SARM1: variants seen among roughly 807,000 people sequenced by gnomAD.
The protein encoded by SARM1 is sterile alpha and TIR motif containing 1, also known as NAD(+) hydrolase SARM1.
SARM1 carries 60 observed loss-of-function variants against 65.1 expected under a neutral mutation model. The observed-to-expected ratio is 0.92, with a 90% CI of 0.75 to 1.14. SARM1 has a LOEUF of 1.14. Among genes scored for constraint, SARM1 ranks in the 50% most tolerant of loss-of-function variants. The pLI, the probability that SARM1 is intolerant of heterozygous loss-of-function variation, is 0.00. For missense variants in SARM1, 913 were observed against 1,015.7 expected, an observed-to-expected ratio of 0.90 and a Z score of 1.37; for synonymous variants, 417 against 465.4, an observed-to-expected ratio of 0.90 and a Z score of 1.34.
Position 28,384,989 on chromosome 17 carries a change from C to A in SARM1, c.1395-51C>A. 5.6e-6 allele frequency: 9 copies of A among 1,605,124 alleles called. No individual in the cohort carries two copies. In the South Asian group the frequency reaches 1.0e-4, roughly 18 times the overall value. ...GGTCTAAATAAGCTCCCCCTCCGCC[C>A]ACAGCCCGTCCGAGTCTGGACCTCA... is the stretch of plus-strand genomic sequence containing the variant. On this transcript the variant is annotated intron_variant, in intron 4 of 8. Transcript: ENST00000585482. This position sits in a 1 kb window ranked among gnomAD's most constrained non-coding sequence, Gnocchi z 4.4.
rs1369934181 is a variant in SARM1 at position 28,402,138 on chromosome 17, G to A, written c.*5852G>A. The stretch of plus-strand genomic sequence containing the variant: ...GCCACTTACTTCTCCAGGGTGAGAG[G>A]GGGGAAGGCAAGCTGTTCCCCCAGC... On this transcript the variant is annotated 3_prime_UTR_variant, in exon 9 of 9. Transcript: ENST00000585482. 14 of 1,012,336 alleles carry A rather than the reference G, an allele frequency of 1.4e-5. No individual in the cohort carries two copies. The highest frequency in any genetic ancestry group is 2.0e-5 in the Non-Finnish European group (14 of 691,768). 62.7% of individuals were successfully genotyped at this position (1,012,336 alleles called of 1,614,324 possible). A position where few individuals can be genotyped will look rare whatever the true frequency, so the allele number is the denominator to read the frequency against.
intron 1 of SARM1, among the ~76,000 whole-genome samples, chr17:28,378,390 A>G (rs1555584835): frequency 6.6e-6 from 1 of 151,900 alleles, no homozygotes; most frequent in Admixed American, 6.6e-5. Flanking sequence ...CTGAAATGCA[A>G]TCTCTCCTTC....
At chr17:28,389,795 G>A (rs1204695836) in intron 7 of SARM1, among the ~76,000 whole-genome samples, 1 of 152,222 alleles carries the variant, frequency 6.6e-6, no homozygotes, top group East Asian at 1.9e-4. Flanking sequence ...GACTGAGGCA[G>A]GGGAATCGCT....
At chr17:28,390,225 G>A (rs1363463087) in intron 7 of SARM1, among the ~76,000 whole-genome samples, 1 of 152,182 alleles carries the variant, frequency 6.6e-6, no homozygotes, top group African/African-American at 2.4e-5. Context: ...GAGTTTATCT[G>A]AAGACCTGGG....
rs564385095 is a variant in SARM1, at chr17:28,376,718, C to T, written c.470+4216C>T. Reference sequence around the variant, plus strand: ...CTCCTGGACTCAAGCAATCCTACTGCCTTGGCCTCCCAAAGTACTGGAATT... The same window carrying T: ...CTCCTGGACTCAAGCAATCCTACTGTCTTGGCCTCCCAAAGTACTGGAATT... On this transcript the variant is annotated intron_variant, in intron 1 of 8. Transcript: ENST00000585482. Among the ~76,000 whole-genome samples the T allele has an allele frequency of 5.9e-5, 9 of 152,274 alleles. No homozygotes were observed. The South Asian group carries it at 1.9e-3, about 32-fold the overall frequency.
At chr17:28,377,436 GAAAAC>G (rs2067998721) in intron 1 of SARM1, among the ~76,000 whole-genome samples, 2 of 152,120 alleles carry the variant, frequency 1.3e-5, no homozygotes, top group African/African-American at 2.4e-5. Context: ...CAAAGTAAAA[GAAAAC>G]AAAACAAAAA....
rs1416923095 is a variant in SARM1, at chr17:28,400,376, T to G, written c.*4090T>G. ...GGAACTGGGAGAGAGAACACAGCCTTGCCAAGCAGCAATGTTAGCCTGATC... is the reference window on the plus strand; with the variant it reads ...GGAACTGGGAGAGAGAACACAGCCTGGCCAAGCAGCAATGTTAGCCTGATC... On this transcript the variant is annotated 3_prime_UTR_variant, in exon 9 of 9. Coordinates refer to ENST00000585482, the MANE Select transcript of SARM1 (RefSeq NM_015077.4). The G allele has an allele frequency of 3.8e-6, 2 of 531,170 alleles. No homozygotes were observed. Among genetic ancestry groups the G allele is most frequent in the Non-Finnish European group, 6.7e-6 (2 of 296,528 alleles). The allele number at this position is 531,170 out of a possible 1,614,324, so 32.9% of individuals were successfully genotyped here. A position where few individuals can be genotyped will look rare whatever the true frequency, so the allele number is the denominator to read the frequency against.
At chr17:28,376,577 AAAAAG>A (rs1272458872) in intron 1 of SARM1, among the ~76,000 whole-genome samples, 1 of 151,880 alleles carries the variant, frequency 6.6e-6, no homozygotes, top group African/African-American at 2.4e-5. Context: ...TGTCAAGAAA[AAAAAG>A]AAAAGAAAAA....
At chr17:28,374,105 A>T (rs1406720015) in intron 1 of SARM1, 2 of 16,720 alleles carry the variant, frequency 1.2e-4, no homozygotes, top group South Asian at 2.1e-3. Context: ...TGTCTCTACT[A>T]AAAAAAAAAA....
At chr17:28,375,728 T>C (rs920863477) in intron 1 of SARM1, among the ~76,000 whole-genome samples, 4 of 151,950 alleles carry the variant, frequency 2.6e-5, no homozygotes, top group Non-Finnish European at 5.9e-5. Flanking sequence ...CTCAGAACTT[T>C]AGGAGGCTGA....
At chr17:28,382,738 C>T (rs2142429738) in intron 2 of SARM1, among the ~76,000 whole-genome samples, 1 of 152,300 alleles carries the variant, frequency 6.6e-6, no homozygotes, top group African/African-American at 2.4e-5. Flanking sequence ...TTTTTGGAAA[C>T]AGAGATCTAC....
At chr17:28,386,314 A>C (rs1291382260) in intron 5 of SARM1, among the ~76,000 whole-genome samples, 1 of 152,172 alleles carries the variant, frequency 6.6e-6, no homozygotes, top group African/African-American at 2.4e-5. Flanking sequence ...TATCTCAAAA[A>C]AGAAAAAAAG....
chr17:28,383,939 A>C (rs1328199072), intron 2 of SARM1, among the ~76,000 whole-genome samples: 1 of 152,178 alleles, frequency 6.6e-6, no homozygotes, highest in African/African-American at 2.4e-5. Context: ...TTGGAAACAT[A>C]GTGGGCCAAG....
chr17:28,375,428 C>T (rs1037991836), intron 1 of SARM1, among the ~76,000 whole-genome samples: 1 of 150,726 alleles, frequency 6.6e-6, no homozygotes, highest in African/African-American at 2.5e-5. Flanking sequence ...GAAACCCCGT[C>T]TCTACTAAAA....
intron 7 of SARM1, among the ~76,000 whole-genome samples, chr17:28,389,516 A>G (rs527633049): frequency 6.6e-6 from 1 of 152,222 alleles, no homozygotes; most frequent in African/African-American, 2.4e-5. Flanking sequence ...GGTCAGTAGG[A>G]ATTGGAGTTG....
chr17:28,390,789 AG>A lies in SARM1; in HGVS notation c.1923+2251del, dbSNP rs549545098. ...TCTTAAGAATCTGGGTAAGTGGAAT[AG>A]AAGGCATCCCAGGCCAGGGTAACAG... On this transcript the variant is annotated intron_variant, in intron 7 of 8. Coordinates refer to ENST00000585482, the MANE Select transcript of SARM1 (RefSeq NM_015077.4). Among the ~76,000 whole-genome samples, 8 of 152,344 alleles carry A rather than the reference AG, an allele frequency of 5.3e-5. No homozygotes were observed. In the East Asian group the frequency reaches 1.5e-3, roughly 29 times the overall value.
chr17:28,388,974 T>C (rs1436226067), intron 7 of SARM1, among the ~76,000 whole-genome samples: 3 of 152,070 alleles, frequency 2.0e-5, no homozygotes, highest in Admixed American at 2.0e-4. Context: ...GGTTTCACCG[T>C]GTTAGCCAGG....
Position 28,396,802 on chromosome 17 carries a change from C to A in SARM1, c.*516C>A, listed in dbSNP as rs561300818. The A allele has an allele frequency of 5.7e-5, 9 of 156,762 alleles. No individual in the cohort carries two copies. Among genetic ancestry groups the A allele is most frequent in the African/African-American group, 1.9e-4 (8 of 41,620 alleles). 9.7% of individuals were successfully genotyped at this position (156,762 alleles called of 1,614,324 possible). A position where few individuals can be genotyped will look rare whatever the true frequency, so the allele number is the denominator to read the frequency against. On this transcript the variant is annotated 3_prime_UTR_variant, in exon 9 of 9. Coordinates refer to ENST00000585482, the MANE Select transcript of SARM1 (RefSeq NM_015077.4). The stretch of plus-strand genomic sequence containing the variant: ...TGGCCCCTGCACTTACAACTTCCTG[C>A]CGCTCTGTGGCCTTGCCCTGTAATC...
rs563969352 is a variant in SARM1, at chr17:28,379,673, A to G, written c.471-1530A>G. ...TGGTCTATGGAACTAACAAACAAGTAGACTATTAATATAATATCAGATATT... is the reference window on the plus strand; with the variant it reads ...TGGTCTATGGAACTAACAAACAAGTGGACTATTAATATAATATCAGATATT... On this transcript the variant is annotated intron_variant, in intron 1 of 8. Coordinates refer to ENST00000585482, the MANE Select transcript of SARM1 (RefSeq NM_015077.4). Among the ~76,000 whole-genome samples, 11 of 152,348 alleles carry G rather than the reference A, an allele frequency of 7.2e-5. No individual in the cohort carries two copies. The East Asian group carries it at 2.1e-3, about 29-fold the overall frequency.
Sources: gnomAD v4.1 joint callset for allele counts (sites outside exome capture counted in the v4.1 genomes callset) on GRCh38, gnomAD v4.1.1 for gene constraint, Gnocchi (gnomAD v3.1) non-coding constraint, MANE v1.5 for transcripts, NCBI Gene and HGNC (gene_info 2026-07-23, HGNC 2026-07-21) for gene names.